The following OR4K17 variants were observed in gnomAD, a reference collection of about 807,000 sequenced individuals.
OR4K17 encodes the protein olfactory receptor 4K17.
For synonymous variants in OR4K17, 157 were observed against 132.8 expected, an observed-to-expected ratio of 1.18 and a Z score of -1.25; for missense variants, 480 against 366.3, an observed-to-expected ratio of 1.31 and a Z score of -2.53.
intron 1 of OR4K17, among the ~76,000 whole-genome samples, chr14:20,113,653 T>C (rs775476058): frequency 1.2e-4 from 19 of 152,068 alleles, no homozygotes; most frequent in Non-Finnish European, 2.2e-4. Flanking sequence ...CAGTGGACTA[T>C]AATGGTACAG....
rs1379519108 is a variant in OR4K17, at chr14:20,118,472, G to A, written c.*34G>A. ...TATAATGGTAGAGGCCGGGCATGGT[G>A]GCTGATGCCTGTAATCCCCACACTT... On this transcript the variant is annotated 3_prime_UTR_variant, in exon 2 of 2. Coordinates refer to ENST00000641386, the MANE Select transcript of OR4K17 (RefSeq NM_001004715.5). The A allele has an allele frequency of 6.2e-6, 8 of 1,287,198 alleles. No individual in the cohort carries two copies. The highest frequency in any genetic ancestry group is 2.7e-4 in the Middle Eastern group (1 of 3,708). 79.7% of individuals were successfully genotyped at this position (1,287,198 alleles called of 1,614,324 possible).
chr14:20,116,455 A>G (rs1037501707), intron 1 of OR4K17, among the ~76,000 whole-genome samples: 1 of 152,144 alleles, frequency 6.6e-6, no homozygotes, highest in Non-Finnish European at 1.5e-5. Context: ...TGAAGGCTCC[A>G]GTATGGGGGC....
chr14:20,120,012 T>C lies in OR4K17; in HGVS notation c.*1574T>C, dbSNP rs886898381. 6.6e-5 allele frequency: 10 copies of C among 152,208 alleles called. No homozygotes were observed. Among genetic ancestry groups the C allele is most frequent in the African/African-American group, 2.2e-4 (9 of 41,466 alleles). 9.4% of individuals were successfully genotyped at this position (152,208 alleles called of 1,614,324 possible). ...GCACCAAAAATAATAAATTATTGAT[T>C]TTTAAAATGTTGACTGAGTTATAAA... On this transcript the variant is annotated 3_prime_UTR_variant, in exon 2 of 2. Transcript: ENST00000641386.
At position 20,118,208 on chromosome 14, in the gene OR4K17, C is replaced by T. The variant is rs574115281; in HGVS notation, c.709C>T (p.Arg237Cys). The T allele has an allele frequency of 5.0e-5, 80 of 1,613,788 alleles. No homozygotes were observed. The highest frequency in any genetic ancestry group is 4.0e-4 in the East Asian group (18 of 44,864). ...NHSPTGQSKA[R>C]STLTAHITVV... ...CTCTCCTACTGGGCAATCTAAAGCC[C>T]GTTCCACTTTGACTGCTCACATCAC... The change falls in exon 2 of 2, where the codon CGT becomes TGT. Residue 237 changes from arginine (R) to cysteine (C), a missense_variant. Physicochemically the swap from Arg to Cys is radical, Grantham distance 180. Transcript: ENST00000641386.
Position 20,118,658 on chromosome 14 carries a change from G to T in OR4K17, c.*220G>T. ...GAGACATCACATGTCAGCGGGTTCC[G>T]TGATGCCCCCCAAGCTGCAAAACCA... On this transcript the variant is annotated 3_prime_UTR_variant, in exon 2 of 2. Transcript: ENST00000641386. 5.4e-6 allele frequency: 2 copies of T among 370,214 alleles called. No individual in the cohort carries two copies. The highest frequency in any genetic ancestry group is 9.7e-6 in the Non-Finnish European group (2 of 205,200). 22.9% of individuals were successfully genotyped at this position (370,214 alleles called of 1,614,324 possible). A position where few individuals can be genotyped will look rare whatever the true frequency, so the allele number is the denominator to read the frequency against.
At chr14:20,112,233 A>G (rs781425924) in intron 1 of OR4K17, 2 of 152,064 alleles carry the variant, frequency 1.3e-5, no homozygotes, top group Middle Eastern at 3.2e-3. Context: ...AGCATATAAT[A>G]TTAAGATTTA....
intron 1 of OR4K17, among the ~76,000 whole-genome samples, chr14:20,116,151 A>T (rs940046542): frequency 1.3e-5 from 2 of 152,144 alleles, no homozygotes; most frequent in South Asian, 2.1e-4. Flanking sequence ...TTGGAGACAA[A>T]GGTGGCTCTC....
chr14:20,117,273 A>G (rs890683946), intron 1 of OR4K17, 195 bp from the exon 2 acceptor site: 1 of 615,512 alleles, frequency 1.6e-6, no homozygotes. Flanking sequence ...CAGCATCAAT[A>G]GGTCATTGCT....
intron 1 of OR4K17, among the ~76,000 whole-genome samples, chr14:20,117,215 G>A (rs1416746568): frequency 6.6e-6 from 1 of 152,120 alleles, no homozygotes; most frequent in African/African-American, 2.4e-5. Context: ...GTCCTATGAA[G>A]ATACACTTAT....
At chr14:20,113,247 G>A (rs1877919117) in intron 1 of OR4K17, among the ~76,000 whole-genome samples, 1 of 152,132 alleles carries the variant, frequency 6.6e-6, no homozygotes, top group African/African-American at 2.4e-5. Context: ...TGTGATAATA[G>A]TGCAATTAAT....
chr14:20,121,706 T>C lies in OR4K17; in HGVS notation c.*3268T>C, dbSNP rs1424243079. On this transcript the variant is annotated 3_prime_UTR_variant, in exon 2 of 2. Transcript: ENST00000641386. ...AATAAATGAAGACGAAAGAGAAAGA[T>C]GAAGCAAAAGAAAAGGAAGGGAACA... 1.3e-5 allele frequency: 2 copies of C among 150,936 alleles called. No individual in the cohort carries two copies. Among genetic ancestry groups the C allele is most frequent in the African/African-American group, 2.4e-5 (1 of 41,014 alleles). 9.3% of individuals were successfully genotyped at this position (150,936 alleles called of 1,614,324 possible).
At chr14:20,112,296 C>G (rs1186194930) in intron 1 of OR4K17, among the ~76,000 whole-genome samples, 1 of 152,056 alleles carries the variant, frequency 6.6e-6, no homozygotes, top group Non-Finnish European at 1.5e-5. Flanking sequence ...CAGTCAATAT[C>G]TTGGCCTCAC....
intron 1 of OR4K17, among the ~76,000 whole-genome samples, chr14:20,116,372 T>C (rs563078226): frequency 6.6e-6 from 1 of 152,204 alleles, no homozygotes; most frequent in South Asian, 2.1e-4. Flanking sequence ...ACATACATTA[T>C]ATTATTTTCC....
At chr14:20,111,552 C>T (rs1171313754) in intron 1 of OR4K17, among the ~76,000 whole-genome samples, 1 of 151,914 alleles carries the variant, frequency 6.6e-6, no homozygotes, top group African/African-American at 2.4e-5. Flanking sequence ...TCTCAAAAAC[C>T]CTTGCTAATT....
At chr14:20,115,458 T>A (rs1877968594) in intron 1 of OR4K17, among the ~76,000 whole-genome samples, 1 of 152,150 alleles carries the variant, frequency 6.6e-6, no homozygotes, top group Non-Finnish European at 1.5e-5. Flanking sequence ...TATATAGTTT[T>A]CTCAAGTATC....
In OR4K17 at chr14:20,117,869, G is replaced by A. The variant is rs200242988; in HGVS notation, c.370G>A (p.Val124Met). 6.2e-7 allele frequency: 1 copy of A among 1,614,016 alleles called. No homozygotes were observed. Among genetic ancestry groups the A allele is most frequent in the African/African-American group, 1.3e-5 (1 of 74,992 alleles). ...LLVSMAFDRY[V>M]AICKPLHYMT... ...GGTCTCCATGGCTTTTGACAGATAT[G>A]TGGCCATTTGTAAGCCCCTACACTA... Residue 124 changes from valine to methionine, a missense_variant, in exon 2 of 2, where the codon GTG becomes ATG. By Grantham distance (21) the Val-to-Met change is conservative. Transcript: ENST00000641386.
chr14:20,117,480 C>T lies in OR4K17; in HGVS notation c.-20C>T, dbSNP rs536068350. 93 of 1,613,054 alleles carry T rather than the reference C, an allele frequency of 5.8e-5. No individual in the cohort carries two copies. The South Asian group carries it at 6.6e-4, about 11-fold the overall frequency. On this transcript the variant is annotated 5_prime_UTR_variant, in exon 2 of 2. It introduces an in-frame stop codon into an upstream open reading frame of the 5' UTR. Transcript: ENST00000641386. ...TTTCTCTCTACAGGTCATCCAAGAG[C>T]GAGCTGTAGGATGGAGGCCATGAAA...
At chr14:20,114,190 G>T (rs1877938621) in intron 1 of OR4K17, among the ~76,000 whole-genome samples, 1 of 151,478 alleles carries the variant, frequency 6.6e-6, no homozygotes, top group Admixed American at 6.6e-5. Flanking sequence ...ACACATGGAT[G>T]GTATGGTAAA....
Position 20,117,478 on chromosome 14 carries a change from A to G in OR4K17, c.-22A>G, listed in dbSNP as rs1878021153. 1 of 1,613,426 alleles carries G rather than the reference A, an allele frequency of 6.2e-7. No individual in the cohort carries two copies. ...TCTTTCTCTCTACAGGTCATCCAAGAGCGAGCTGTAGGATGGAGGCCATGA... is the reference window on the plus strand; with the variant it reads ...TCTTTCTCTCTACAGGTCATCCAAGGGCGAGCTGTAGGATGGAGGCCATGA... On this transcript the variant is annotated 5_prime_UTR_variant, in exon 2 of 2. Transcript: ENST00000641386.
Sources: gnomAD v4.1 joint callset for allele counts (sites outside exome capture counted in the v4.1 genomes callset) on GRCh38, gnomAD v4.1.1 for gene constraint, MANE v1.5 for transcripts, NCBI Gene and HGNC (gene_info 2026-07-23, HGNC 2026-07-21) for gene names.